DLGAP2: variants seen among roughly 807,000 people sequenced by gnomAD.
DLGAP2 encodes disks large-associated protein 2.
A neutral mutation model predicts 100.3 loss-of-function variants in DLGAP2; 26 were observed. The observed-to-expected ratio is 0.26, with a 90% confidence interval of 0.19 to 0.36. The LOEUF is 0.36. Ranked by LOEUF, DLGAP2 falls within the 10% of genes least tolerant of loss-of-function variation. The pLI is 1.00. For synonymous variants in DLGAP2, 886 were observed against 630.1 expected, an observed-to-expected ratio of 1.41 and a Z score of -6.08; for missense variants, 1,858 against 1,453.2, an observed-to-expected ratio of 1.28 and a Z score of -4.53.
rs145725936 is a variant in DLGAP2 at position 1,452,537 on chromosome 8, G to T, written c.107-48829G>T. 6.6e-4 allele frequency among the ~76,000 whole-genome samples: 101 copies of T among 152,338 alleles called. 1 individual carries two copies. Among genetic ancestry groups the T allele is most frequent in the African/African-American group, 2.3e-3 (97 of 41,584 alleles). ...GAGCTTGTGGGACACTGGGCGCTCC[G>T]GGGAGAGCTGGAGGCCCAGTGGCCC... On this transcript the variant is annotated intron_variant, in intron 3 of 14. Coordinates refer to ENST00000637795, the MANE Select transcript of DLGAP2 (RefSeq NM_001346810.2).
intron 4 of DLGAP2, 35 bp downstream of exon 4, chr8:1,501,466 C>T (rs1007317078): frequency 1.3e-6 from 2 of 1,533,104 alleles, no homozygotes; most frequent in South Asian, 1.2e-5. Context: ...TCTGGCGGGG[C>T]CCGGACAGAA....
intron 1 of DLGAP2, among the ~76,000 whole-genome samples, chr8:900,697 A>C (rs1377194455): frequency 6.6e-6 from 1 of 152,192 alleles, no homozygotes; most frequent in Admixed American, 6.5e-5. Flanking sequence ...AGGCGGCTGC[A>C]GCCCGAAAGG....
intron 1 of DLGAP2, among the ~76,000 whole-genome samples, chr8:859,429 T>C (rs1563067379): frequency 1.3e-5 from 2 of 152,116 alleles, no homozygotes; most frequent in African/African-American, 2.4e-5. Context: ...AGTCTTCTAA[T>C]TGGAGTTTAG....
intron 3 of DLGAP2, among the ~76,000 whole-genome samples, chr8:1,473,015 C>T (rs1385039817): frequency 6.6e-6 from 1 of 152,128 alleles, no homozygotes; most frequent in Non-Finnish European, 1.5e-5. Context: ...ACTGCAACCT[C>T]CGCCTCCCAG....
intron 2 of DLGAP2, among the ~76,000 whole-genome samples, chr8:949,274 C>G (rs1475265134): frequency 6.6e-6 from 1 of 152,176 alleles, no homozygotes; most frequent in Non-Finnish European, 1.5e-5. Flanking sequence ...AGGAACTTTC[C>G]TAGTTCAGGC....
Position 1,097,180 on chromosome 8 carries a change from C to T in DLGAP2, c.74-161671C>T, listed in dbSNP as rs372864413. On this transcript the variant is annotated intron_variant, in intron 2 of 14. Coordinates refer to ENST00000637795, the MANE Select transcript of DLGAP2 (RefSeq NM_001346810.2). Reference sequence around the variant, plus strand: ...CCTCCAGCGTGAGACCCAGCTCCCTCTGCTCAGGAGAGTCGAGCTGGGAGC... The same window carrying T: ...CCTCCAGCGTGAGACCCAGCTCCCTTTGCTCAGGAGAGTCGAGCTGGGAGC... 1.4e-4 allele frequency among the ~76,000 whole-genome samples: 15 copies of T among 107,004 alleles called. 2 individuals are homozygous for T. The East Asian group carries it at 2.2e-3, about 15-fold the overall frequency. The allele number at this position is 107,004 out of a possible 152,430, so 70.2% of individuals were successfully genotyped here.
chr8:1,655,058 G>A (rs563295866), intron 8 of DLGAP2, among the ~76,000 whole-genome samples: 7 of 152,194 alleles, frequency 4.6e-5, no homozygotes, highest in Non-Finnish European at 1.0e-4. Flanking sequence ...TTAAATGCTG[G>A]TGAGACTATA....
chr8:1,670,042 T>C (rs762199887), intron 10 of DLGAP2, among the ~76,000 whole-genome samples: 7 of 152,062 alleles, frequency 4.6e-5, no homozygotes, highest in Non-Finnish European at 8.8e-5. Context: ...CGTCTCCGTC[T>C]CCGTCTCCAG....
At chr8:1,160,159 A>G (rs77329373) in intron 2 of DLGAP2, among the ~76,000 whole-genome samples, 4,080 of 152,288 alleles carry the variant, frequency 0.027, 204 homozygotes, top group African/African-American at 0.092. Context: ...CTATTTGGCA[A>G]TGTAAAACTG....
intron 3 of DLGAP2, among the ~76,000 whole-genome samples, chr8:1,324,058 C>T (rs771835115): frequency 8.5e-5 from 13 of 152,232 alleles, no homozygotes; most frequent in Admixed American, 1.3e-4. Flanking sequence ...GATATCCAAC[C>T]GGAAAGGCTG....
chr8:1,530,267 T>C (rs138347790), intron 4 of DLGAP2, among the ~76,000 whole-genome samples: 3,217 of 152,260 alleles, frequency 0.021, 115 homozygotes, highest in African/African-American at 0.074. Flanking sequence ...CAGGCACGTA[T>C]TCTCTTTCCC....
At chr8:1,591,955 T>C (rs1285069773) in intron 6 of DLGAP2, among the ~76,000 whole-genome samples, 1 of 152,186 alleles carries the variant, frequency 6.6e-6, no homozygotes, top group Non-Finnish European at 1.5e-5. Context: ...GGAGGTGGCA[T>C]GCAGACAGGC....
chr8:913,692 G>A (rs910147905), intron 2 of DLGAP2, among the ~76,000 whole-genome samples: 1 of 152,364 alleles, frequency 6.6e-6, no homozygotes, highest in South Asian at 2.1e-4. Context: ...TTTTGCAGAA[G>A]AGAAAACAGA....
intron 10 of DLGAP2, among the ~76,000 whole-genome samples, chr8:1,670,619 G>A (rs770219273): frequency 1.1e-4 from 16 of 152,206 alleles, no homozygotes; most frequent in Admixed American, 2.6e-4. Flanking sequence ...CGCTGGGTGC[G>A]TGCTGGGTGA....
chr8:1,495,577 G>C (rs909628674), intron 3 of DLGAP2, among the ~76,000 whole-genome samples: 1 of 152,220 alleles, frequency 6.6e-6, no homozygotes, highest in Non-Finnish European at 1.5e-5. Context: ...GTGTGCTCGG[G>C]TCACAGTGGT....
intron 3 of DLGAP2, among the ~76,000 whole-genome samples, chr8:1,284,697 G>C (rs947172560): frequency 6.6e-6 from 1 of 152,164 alleles, no homozygotes; most frequent in Non-Finnish European, 1.5e-5. Flanking sequence ...TCTCAGCTCA[G>C]TGCAGCCTCA....
rs922526270 is a variant in DLGAP2 at position 881,691 on chromosome 8, T to A, written c.19-26221T>A. 1.5e-3 allele frequency among the ~76,000 whole-genome samples: 122 copies of A among 82,320 alleles called. 4 individuals carry two copies. Among genetic ancestry groups the A allele is most frequent in the African/African-American group, 5.0e-3 (118 of 23,720 alleles). The allele number at this position is 82,320 out of a possible 152,430, so 54.0% of individuals were successfully genotyped here. A position where few individuals can be genotyped will look rare whatever the true frequency, so the allele number is the denominator to read the frequency against. Reference sequence around the variant, plus strand: ...AACACACACACACACACTTTTTTTTTTTTTTTTAGTAGAGACAGGGTTTCA... The same window carrying A: ...AACACACACACACACACTTTTTTTTATTTTTTTAGTAGAGACAGGGTTTCA... On this transcript the variant is annotated intron_variant, in intron 1 of 14. Coordinates refer to ENST00000637795, the MANE Select transcript of DLGAP2 (RefSeq NM_001346810.2).
intron 1 of DLGAP2, chr8:893,219 A>G (rs1798072518): frequency 6.6e-6 from 1 of 152,142 alleles, no homozygotes; most frequent in South Asian, 2.1e-4. Flanking sequence ...GTGGCATGCG[A>G]TGTGGGGTCA....
chr8:848,083 C>T (rs531149213), intron 1 of DLGAP2, among the ~76,000 whole-genome samples: 2 of 152,278 alleles, frequency 1.3e-5, no homozygotes, highest in African/African-American at 2.4e-5. Context: ...GCCACAGGCA[C>T]CTGCCTGCCT....
Sources: allele counts gnomAD v4.1 joint callset (sites outside exome capture counted in the v4.1 genomes callset), GRCh38; gene constraint gnomAD v4.1.1; transcripts MANE v1.5; gene names NCBI Gene and HGNC (gene_info 2026-07-23, HGNC 2026-07-21).